SEMA3A: variants seen among roughly 807,000 people sequenced by gnomAD.
SEMA3A encodes semaphorin-3A.
A neutral mutation model predicts 97.9 loss-of-function variants in SEMA3A; 29 were observed. That is an observed-to-expected ratio of 0.30 (90% CI 0.22 to 0.40). SEMA3A has a LOEUF of 0.40. SEMA3A is among the 10% of genes least tolerant of loss of function. SEMA3A has a pLI of 1.00. For synonymous variants in SEMA3A, 321 were observed against 323.7 expected (o/e 0.99, Z 0.09); for missense variants, 763 against 951.3 (o/e 0.80, Z 2.60).
At chr7:84,138,923 T>C (rs941295872) in intron 1 of SEMA3A, among the ~76,000 whole-genome samples, 1 of 151,486 alleles carries the variant, frequency 6.6e-6, no homozygotes, top group Non-Finnish European at 1.5e-5. Flanking sequence ...ATCAGACACA[T>C]TTTTTTTTCC....
At chr7:84,381,494 C>A in intron 1 of SEMA3A, among the ~76,000 whole-genome samples, 1 of 152,174 alleles carries the variant, frequency 6.6e-6, no homozygotes, top group East Asian at 1.9e-4. Flanking sequence ...AACAGTCTAA[C>A]TCAAAATCTC....
At chr7:83,987,755 T>C (rs1236334808) in intron 12 of SEMA3A, among the ~76,000 whole-genome samples, 2 of 152,160 alleles carry the variant, frequency 1.3e-5, no homozygotes, top group Non-Finnish European at 2.9e-5. Context: ...ATTTAATTTA[T>C]ATTTAAGATA....
chr7:84,347,467 A>G (rs1190356434), intron 2 of SEMA3A, among the ~76,000 whole-genome samples: 1 of 148,336 alleles, frequency 6.7e-6, no homozygotes, highest in Non-Finnish European at 1.5e-5. Flanking sequence ...GCTGGAGTGC[A>G]ATGGCGCGAT....
At position 84,016,548 on chromosome 7, in the gene SEMA3A, A is replaced by AG. The variant is rs575370466; in HGVS notation, c.668-2198_668-2197insC. 5.9e-3 allele frequency among the ~76,000 whole-genome samples: 898 copies of AG among 151,930 alleles called. 5 individuals carry two copies. Among genetic ancestry groups the AG allele is most frequent in the Non-Finnish European group, 0.01 (704 of 67,942 alleles). Reference sequence around the variant, plus strand: ...GCGAGACTCTGTCTCAAAAAAAAAAAAAAGAAAAAAAAAGAAACCTGTGTG... The same window carrying AG: ...GCGAGACTCTGTCTCAAAAAAAAAAAGAAAGAAAAAAAAAGAAACCTGTGTG... On this transcript the variant is annotated intron_variant, in intron 6 of 16. Transcript: ENST00000265362.
chr7:84,166,292 G>A (rs1797202978), intron 1 of SEMA3A, among the ~76,000 whole-genome samples: 1 of 150,124 alleles, frequency 6.7e-6, no homozygotes, highest in African/African-American at 2.5e-5. Flanking sequence ...AAAAAAAAGA[G>A]GCCGGGCGCA....
chr7:84,060,721 G>C (rs1478670681), intron 4 of SEMA3A, among the ~76,000 whole-genome samples, 163 bp from the exon 5 acceptor site: 1 of 152,142 alleles, frequency 6.6e-6, no homozygotes, highest in African/African-American at 2.4e-5. Flanking sequence ...CAAGTGTATT[G>C]AAAATAGGTA....
At position 84,215,085 on chromosome 7, in the gene SEMA3A, C is replaced by A. The variant is rs10233861; in HGVS notation, c.-82-20417G>T. 7.8e-4 allele frequency among the ~76,000 whole-genome samples: 119 copies of A among 152,180 alleles called. 1 individual carries two copies. The highest frequency in any genetic ancestry group is 2.7e-3 in the African/African-American group (114 of 41,526). ...ACAGGGTTTCACCATGTTGGCCAGG[C>A]TGGTTTTGAACTCCTGACCTCACGA... On this transcript the variant is annotated intron_variant, in intron 3 of 3. Coordinates refer to the SEMA3A transcript ENST00000424555.
At chr7:84,289,850 A>C in intron 3 of SEMA3A, among the ~76,000 whole-genome samples, 1 of 152,158 alleles carries the variant, frequency 6.6e-6, no homozygotes, top group East Asian at 1.9e-4. Flanking sequence ...ACAATAACCA[A>C]AAAGTAGAAA....
intron 1 of SEMA3A, among the ~76,000 whole-genome samples, chr7:84,427,575 C>T (rs370034667): frequency 7.7e-4 from 99 of 127,864 alleles, no homozygotes; most frequent in African/African-American, 2.7e-3. Context: ...ACCAGGGAGG[C>T]GGAGGTTGCA....
intron 1 of SEMA3A, among the ~76,000 whole-genome samples, chr7:84,421,584 T>G (rs1804593940): frequency 6.6e-6 from 1 of 152,120 alleles, no homozygotes; most frequent in Admixed American, 6.6e-5. Context: ...AGGGCATCGT[T>G]GTCTTGTGCT....
chr7:84,261,243 AC>A lies in SEMA3A; in HGVS notation c.-83+45963del, dbSNP rs533767646. 7.0e-4 allele frequency among the ~76,000 whole-genome samples: 107 copies of A among 152,104 alleles called. No homozygotes were observed. The South Asian group carries it at 0.015, about 21-fold the overall frequency. ...TGAGTCTGTGGAGACCTGTCCTGTC[AC>A]TCAATAACACTCCTCTCTACCTGGC... On this transcript the variant is annotated intron_variant, in intron 3 of 3. Coordinates refer to the SEMA3A transcript ENST00000424555.
intron 1 of SEMA3A, among the ~76,000 whole-genome samples, chr7:84,443,843 AC>A (rs1281595950): frequency 6.7e-6 from 1 of 148,150 alleles, no homozygotes; most frequent in East Asian, 2.0e-4. Context: ...CTTTGACTGG[AC>A]CCACCTCTTG....
intron 1 of SEMA3A, among the ~76,000 whole-genome samples, chr7:84,145,831 A>C (rs981733515): frequency 6.6e-6 from 1 of 152,162 alleles, no homozygotes; most frequent in Non-Finnish European, 1.5e-5. Flanking sequence ...CCTTTCAAAA[A>C]TGTAATGCTT....
At chr7:84,073,254 G>C (rs1793809601) in intron 4 of SEMA3A, among the ~76,000 whole-genome samples, 1 of 151,946 alleles carries the variant, frequency 6.6e-6, no homozygotes, top group South Asian at 2.1e-4. Flanking sequence ...GTAGAAAGAC[G>C]TGTGTGTATG....
chr7:84,238,073 ATT>A (rs911701621), intron 3 of SEMA3A, among the ~76,000 whole-genome samples: 1 of 148,074 alleles, frequency 6.8e-6, no homozygotes, highest in African/African-American at 2.5e-5. Flanking sequence ...AGGATATTCA[ATT>A]TTTTTTTTTC....
At position 84,271,000 on chromosome 7, in the gene SEMA3A, T is replaced by G. The variant is rs558806213; in HGVS notation, c.-83+36207A>C. Among the ~76,000 whole-genome samples the G allele has an allele frequency of 5.3e-5, 8 of 152,210 alleles. No individual in the cohort carries two copies. The South Asian group carries it at 1.7e-3, about 32-fold the overall frequency. On this transcript the variant is annotated intron_variant, in intron 3 of 3. Transcript: ENST00000424555. ...TAGTAGTACTCAGTTTTACTGTTTC[T>G]ATTATTGATTTATATCCGGAATCAA...
chr7:84,012,043 CA>C (rs1472999668), intron 7 of SEMA3A, among the ~76,000 whole-genome samples: 4 of 152,026 alleles, frequency 2.6e-5, no homozygotes, highest in Admixed American at 6.6e-5. Context: ...GCTGAACTCA[CA>C]GATGCAGAGA....
intron 6 of SEMA3A, among the ~76,000 whole-genome samples, chr7:84,031,411 A>C (rs35329023): frequency 0.69 from 104,545 of 151,650 alleles, 36,229 homozygotes; most frequent in Middle Eastern, 0.77. Flanking sequence ...TTTTCTGGCC[A>C]AAAAATTCTA....
chr7:84,264,175 C>T (rs1016877076), intron 3 of SEMA3A, among the ~76,000 whole-genome samples: 7 of 151,978 alleles, frequency 4.6e-5, no homozygotes, highest in Non-Finnish European at 8.8e-5. Context: ...AGTCTGTCTT[C>T]CTTCTAATAC....
Sources: allele counts gnomAD v4.1 joint callset (sites outside exome capture counted in the v4.1 genomes callset), GRCh38; gene constraint gnomAD v4.1.1; transcripts MANE v1.5; gene names NCBI Gene and HGNC (gene_info 2026-07-23, HGNC 2026-07-21).